Variants in CDK14 observed in about 807,000 individuals in gnomAD.
CDK14 encodes the protein cyclin dependent kinase 14.
Under a neutral mutation model 60.7 loss-of-function variants are expected in CDK14, and 34 were observed. The ratio of observed to expected loss-of-function variants is 0.56; its 90% CI spans 0.43 to 0.75. The LOEUF (loss-of-function observed/expected upper bound fraction) is 0.75. Among genes scored for constraint, CDK14 ranks in the 30% least tolerant of loss-of-function variants. The pLI is 0.00. For missense variants in CDK14, 482 were observed against 564.1 expected, an observed-to-expected ratio of 0.85 and a Z score of 1.47; for synonymous variants, 197 against 203.7, an observed-to-expected ratio of 0.97 and a Z score of 0.28.
chr7:90,831,367 T>C (rs1357643032), intron 5 of CDK14, among the ~76,000 whole-genome samples: 1 of 152,128 alleles, frequency 6.6e-6, no homozygotes, highest in Non-Finnish European at 1.5e-5. Context: ...CTATCAGATC[T>C]TGTGAGAACT....
At chr7:90,704,504 G>A (rs1187819669) in intron 2 of CDK14, among the ~76,000 whole-genome samples, 1 of 152,080 alleles carries the variant, frequency 6.6e-6, no homozygotes, top group Non-Finnish European at 1.5e-5. Context: ...GGATGTGTAG[G>A]TTTTGAATGG....
intron 6 of CDK14, among the ~76,000 whole-genome samples, chr7:90,877,307 T>G (rs16868021): frequency 0.027 from 4,099 of 152,332 alleles, 85 homozygotes; most frequent in Non-Finnish European, 0.04. Flanking sequence ...GTGTTCTGAG[T>G]TAACATTCAA....
intron 6 of CDK14, among the ~76,000 whole-genome samples, chr7:90,863,476 A>T (rs1433830962): frequency 1.3e-5 from 2 of 152,148 alleles, no homozygotes; most frequent in Non-Finnish European, 2.9e-5. Flanking sequence ...GAAAAATGTT[A>T]ACTTGAATTT....
At chr7:91,094,289 A>G (rs902613050) in intron 12 of CDK14, among the ~76,000 whole-genome samples, 6 of 152,160 alleles carry the variant, frequency 3.9e-5, no homozygotes, top group East Asian at 3.8e-4. Flanking sequence ...AAATTCTTCA[A>G]TGAGGTTTCT....
At chr7:91,036,542 G>T (rs574394545) in intron 10 of CDK14, among the ~76,000 whole-genome samples, 19 of 151,822 alleles carry the variant, frequency 1.3e-4, no homozygotes, top group African/African-American at 4.4e-4. Flanking sequence ...TTCCACATCT[G>T]CCCCCCTTGA....
intron 5 of CDK14, among the ~76,000 whole-genome samples, chr7:90,859,115 C>T (rs1320764962): frequency 6.6e-6 from 1 of 152,160 alleles, no homozygotes; most frequent in Admixed American, 6.5e-5. Context: ...GTCCTCTCTA[C>T]CATAGTTAGT....
At chr7:90,981,409 C>A (rs3808273) in intron 9 of CDK14, among the ~76,000 whole-genome samples, 1 of 152,204 alleles carries the variant, frequency 6.6e-6, no homozygotes, top group Non-Finnish European at 1.5e-5. Context: ...AATAAAATTA[C>A]ATCCTATGAT....
At chr7:90,641,788 AC>A (rs1460433520) in intron 2 of CDK14, among the ~76,000 whole-genome samples, 4 of 152,300 alleles carry the variant, frequency 2.6e-5, no homozygotes, top group African/African-American at 9.6e-5. Flanking sequence ...GTTCATTTTC[AC>A]ACTGCTGATG....
chr7:90,969,170 C>G (rs959553044), intron 9 of CDK14, among the ~76,000 whole-genome samples: 1 of 152,178 alleles, frequency 6.6e-6, no homozygotes, highest in African/African-American at 2.4e-5. Flanking sequence ...TTAGGTCTTG[C>G]ATCTATTATC....
At chr7:90,651,750 T>C (rs556920816) in intron 2 of CDK14, among the ~76,000 whole-genome samples, 11 of 152,192 alleles carry the variant, frequency 7.2e-5, no homozygotes, top group African/African-American at 2.4e-4. Flanking sequence ...GTGATTTTTT[T>C]TTTCATTTTT....
chr7:91,204,807 C>A (rs958385986), intron 14 of CDK14, among the ~76,000 whole-genome samples: 2 of 152,056 alleles, frequency 1.3e-5, no homozygotes, highest in African/African-American at 4.8e-5. Context: ...ATTAGCCAGG[C>A]ATGGTGATGT....
At chr7:90,918,250 T>G (rs1793139141) in intron 8 of CDK14, among the ~76,000 whole-genome samples, 1 of 152,200 alleles carries the variant, frequency 6.6e-6, no homozygotes, top group Non-Finnish European at 1.5e-5. Context: ...ACTAGAAATC[T>G]AGATGTAGTG....
At chr7:91,167,200 A>G (rs189836051) in intron 14 of CDK14, among the ~76,000 whole-genome samples, 8 of 152,362 alleles carry the variant, frequency 5.3e-5, no homozygotes, top group African/African-American at 1.4e-4. Flanking sequence ...CACAGACAAA[A>G]TGGAATTCAA....
At chr7:91,055,266 A>G (rs1011717640) in intron 11 of CDK14, among the ~76,000 whole-genome samples, 4 of 152,360 alleles carry the variant, frequency 2.6e-5, no homozygotes, top group Admixed American at 2.6e-4. Context: ...AACCTTGATA[A>G]TCACTTAAAA....
chr7:90,846,735 A>G (rs764636482), intron 5 of CDK14, among the ~76,000 whole-genome samples: 15 of 152,094 alleles, frequency 9.9e-5, no homozygotes, highest in Non-Finnish European at 1.6e-4. Flanking sequence ...TGGGCCCATC[A>G]CTTCCCTCGG....
chr7:91,189,632 C>G (rs1584193933), intron 14 of CDK14, among the ~76,000 whole-genome samples: 1 of 152,158 alleles, frequency 6.6e-6, no homozygotes, highest in East Asian at 1.9e-4. Flanking sequence ...TATTTGGAAA[C>G]TTTCCTATTG....
chr7:90,784,093 G>C (rs944267011), intron 4 of CDK14, among the ~76,000 whole-genome samples: 1 of 152,170 alleles, frequency 6.6e-6, no homozygotes, highest in African/African-American at 2.4e-5. Context: ...ATATTATTCA[G>C]CCATAAAAAA....
At chr7:90,931,229 T>C (rs1461937272) in intron 8 of CDK14, among the ~76,000 whole-genome samples, 1 of 152,174 alleles carries the variant, frequency 6.6e-6, no homozygotes, top group Non-Finnish European at 1.5e-5. Context: ...AGTTGAGAAA[T>C]TTTGATGCAA....
intron 5 of CDK14, among the ~76,000 whole-genome samples, chr7:90,791,011 G>A (rs1584895944): frequency 6.6e-6 from 1 of 152,066 alleles, no homozygotes; most frequent in African/African-American, 2.4e-5. Flanking sequence ...CTTTAAAAAT[G>A]GGGATTTGTC....
Sources: allele counts gnomAD v4.1 joint callset (sites outside exome capture counted in the v4.1 genomes callset), GRCh38; gene constraint gnomAD v4.1.1; transcripts MANE v1.5; gene names NCBI Gene and HGNC (gene_info 2026-07-23, HGNC 2026-07-21).